Variants in XYLT1 observed in about 807,000 individuals in gnomAD.
XYLT1 encodes xylosyltransferase 1.
In XYLT1, 36 loss-of-function variants were observed where a neutral mutation model predicts 91.3. The ratio of observed to expected loss-of-function variants is 0.39; its 90% CI spans 0.30 to 0.52. The LOEUF (loss-of-function observed/expected upper bound fraction) is 0.52, where lower values mean the gene tolerates loss of function less well. Among genes scored for constraint, XYLT1 ranks in the 20% least tolerant of loss-of-function variants. The pLI, the probability that XYLT1 is intolerant of heterozygous loss-of-function variation, is 0.68. For synonymous variants in XYLT1, 588 were observed against 532.0 expected (o/e 1.11, Z -1.45); for missense variants, 1,242 against 1,284.5 (o/e 0.97, Z 0.51).
rs924260 is a variant in XYLT1, at chr16:17,108,920, G to C, written c.2655C>G (p.Pro885=). ...TCCTCCGTGCCTGTTCCACCTGGGCGGGGTTGATGGGCAGGCTGAGGACGG... is the reference window on the plus strand; with the variant it reads ...TCCTCCGTGCCTGTTCCACCTGGGCCGGGTTGATGGGCAGGCTGAGGACGG... ...LNPVLSLPIN[P]AQVEQARRNA... is the part of the protein sequence containing the mutation. The change falls in exon 12 of 12, where the codon CCC becomes CCG. Residue 885 remains proline (P), a synonymous_variant. Coordinates refer to ENST00000261381, the MANE Select transcript of XYLT1 (RefSeq NM_022166.4). 6.2e-7 allele frequency: 1 copy of C among 1,600,702 alleles called. No individual in the cohort carries two copies. The highest frequency in any genetic ancestry group is 1.1e-5 in the South Asian group (1 of 89,738).
chr16:17,338,760 T>C (rs113338798), intron 2 of XYLT1, among the ~76,000 whole-genome samples: 1,928 of 152,274 alleles, frequency 0.013, 16 homozygotes, highest in Non-Finnish European at 0.018. Flanking sequence ...AATTTTTGCA[T>C]TTTTAGTAGA....
chr16:17,465,623 C>G lies in XYLT1; in HGVS notation c.363+4811G>C, dbSNP rs150722191. 5.0e-3 allele frequency among the ~76,000 whole-genome samples: 741 copies of G among 149,644 alleles called. 16 individuals are homozygous for G. Among genetic ancestry groups the G allele is most frequent in the Admixed American group, 0.047 (693 of 14,832 alleles). On this transcript the variant is annotated intron_variant, in intron 1 of 11. Transcript: ENST00000261381. ...AAATACCTAAATGACACCTGACATA[C>G]AGCAGGCACTCAATAAATGTCAGTA...
Position 17,197,014 on chromosome 16 carries a change from A to AATATATATATATATATATATATATAT in XYLT1, c.1289+1197_1289+1198insATATATATATATATATATATATATAT, listed in dbSNP as rs536988187. ...TGACAGAGCGAGACTCTGTCTCCAA[A>AATATATATATATATATATATATATAT]ATATATATATATATATAGATATATA... On this transcript the variant is annotated intron_variant, in intron 5 of 11. Coordinates refer to ENST00000261381, the MANE Select transcript of XYLT1 (RefSeq NM_022166.4). Among the ~76,000 whole-genome samples the AATATATATATATATATATATATATAT allele has an allele frequency of 3.5e-3, 383 of 110,092 alleles. 12 individuals are homozygous for AATATATATATATATATATATATATAT. Among genetic ancestry groups the AATATATATATATATATATATATATAT allele is most frequent in the Admixed American group, 4.5e-3 (47 of 10,470 alleles). 72.2% of individuals were successfully genotyped at this position (110,092 alleles called of 152,430 possible).
At chr16:17,246,604 G>A (rs965749838) in intron 3 of XYLT1, among the ~76,000 whole-genome samples, 14 of 152,134 alleles carry the variant, frequency 9.2e-5, no homozygotes, top group African/African-American at 2.7e-4. Flanking sequence ...CAGTTTCTTC[G>A]TCTGTTCAAT....
In XYLT1 at chr16:17,225,811, A is replaced by G. The variant is rs576136303; in HGVS notation, c.914-25157T>C. On this transcript the variant is annotated intron_variant, in intron 3 of 11. Coordinates refer to ENST00000261381, the MANE Select transcript of XYLT1 (RefSeq NM_022166.4). ...CATAAATAATGTAGAATCGCAGCTA[A>G]GTTGCATTCTACGACCAAAGTTCAA... is the stretch of plus-strand genomic sequence containing the variant. 3.9e-5 allele frequency among the ~76,000 whole-genome samples: 6 copies of G among 152,270 alleles called. No individual in the cohort carries two copies. The East Asian group carries it at 1.2e-3, about 29-fold the overall frequency.
At position 17,380,086 on chromosome 16, in the gene XYLT1, G is replaced by A. The variant is rs1249799535; in HGVS notation, c.364-22036C>T. Among the ~76,000 whole-genome samples the A allele has an allele frequency of 3.9e-4, 59 of 152,042 alleles. 1 individual carries two copies. Among genetic ancestry groups the A allele is most frequent in the Admixed American group, 3.8e-3 (58 of 15,262 alleles). ...GCGGATCACTTGAGGTCGGGAGTTCGAGACCAGCCTGGCCAACATGGTGAA... is the reference window on the plus strand; with the variant it reads ...GCGGATCACTTGAGGTCGGGAGTTCAAGACCAGCCTGGCCAACATGGTGAA... On this transcript the variant is annotated intron_variant, in intron 1 of 11. Coordinates refer to ENST00000261381, the MANE Select transcript of XYLT1 (RefSeq NM_022166.4).
intron 2 of XYLT1, 121 bp from the exon 3 acceptor site, chr16:17,259,619 T>G (rs2033692505): frequency 8.2e-7 from 1 of 1,212,396 alleles, no homozygotes; most frequent in Non-Finnish European, 1.1e-6. Context: ...CACATCCTAC[T>G]TTTGCTACTG....
At chr16:17,283,473 C>G (rs374672539) in intron 2 of XYLT1, among the ~76,000 whole-genome samples, 3 of 152,292 alleles carry the variant, frequency 2.0e-5, no homozygotes, top group African/African-American at 4.8e-5. Context: ...CATGTGCACA[C>G]ATAGGCACAC....
intron 2 of XYLT1, among the ~76,000 whole-genome samples, chr16:17,337,300 A>T (rs1567380760): frequency 6.6e-6 from 1 of 151,782 alleles, no homozygotes; most frequent in Non-Finnish European, 1.5e-5. Flanking sequence ...CCAGCCTCCC[A>T]CTTCAGCCTC....
rs571210086 is a variant in XYLT1, at chr16:17,292,369, C to T, written c.403-32871G>A. On this transcript the variant is annotated intron_variant, in intron 2 of 11. Transcript: ENST00000261381. ...TTGAATCTGTGTCACAGACGAGATT[C>T]CTCACTTCACAAAAAAAACTCTCCC... 2.0e-5 allele frequency among the ~76,000 whole-genome samples: 3 copies of T among 152,268 alleles called. No homozygotes were observed. In the East Asian group the frequency reaches 5.8e-4, roughly 29 times the overall value.
intron 5 of XYLT1, among the ~76,000 whole-genome samples, chr16:17,192,693 A>T (rs2032342281): frequency 6.6e-6 from 1 of 152,166 alleles, no homozygotes; most frequent in African/African-American, 2.4e-5. Flanking sequence ...TAGAGTCTCT[A>T]AACACTCTCA....
At chr16:17,464,172 C>G (rs2036857336) in intron 1 of XYLT1, among the ~76,000 whole-genome samples, 1 of 151,874 alleles carries the variant, frequency 6.6e-6, no homozygotes, top group Non-Finnish European at 1.5e-5. Flanking sequence ...TTATCATTAA[C>G]AATAATCTAT....
intron 5 of XYLT1, among the ~76,000 whole-genome samples, chr16:17,164,068 A>C (rs2031621819): frequency 7.0e-6 from 1 of 143,694 alleles, no homozygotes; most frequent in Admixed American, 6.9e-5. Flanking sequence ...AAAAAAAAAA[A>C]AGAAAGACTA....
intron 1 of XYLT1, among the ~76,000 whole-genome samples, chr16:17,421,490 A>G (rs1422087812): frequency 2.6e-5 from 4 of 152,116 alleles, no homozygotes; most frequent in African/African-American, 9.7e-5. Flanking sequence ...TGTAGCCCTT[A>G]ACTTTATGGC....
In XYLT1 at chr16:17,259,250, C is replaced by G; in HGVS notation, c.651G>C (p.Leu217=). 1 of 1,614,114 alleles carries G rather than the reference C, an allele frequency of 6.2e-7. No homozygotes were observed. Among genetic ancestry groups the G allele is most frequent in the East Asian group, 2.2e-5 (1 of 44,860 alleles). ...TGGCTGCGGCTCTGTCCCCGGGAGG[C>G]AGCACCTCACCGGGGCCTTTCCCAG... ...TFPGKGPGEV[L]PPGDRAAANS... The change falls in exon 3 of 12, where the codon CTG becomes CTC. Residue 217 remains leucine, a synonymous_variant. Coordinates refer to ENST00000261381, the MANE Select transcript of XYLT1 (RefSeq NM_022166.4).
intron 1 of XYLT1, among the ~76,000 whole-genome samples, chr16:17,366,301 G>A (rs1433236009): frequency 6.6e-6 from 1 of 152,114 alleles, no homozygotes; most frequent in East Asian, 1.9e-4. Flanking sequence ...AATTGCCTAA[G>A]GTCACATAGC....
rs557042106 is a variant in XYLT1 at position 17,410,443 on chromosome 16, C to T, written c.364-52393G>A. Among the ~76,000 whole-genome samples, 7 of 152,236 alleles carry T rather than the reference C, an allele frequency of 4.6e-5. No homozygotes were observed. In the South Asian group the frequency reaches 1.5e-3, roughly 32 times the overall value. ...TGGCAGCAGACAAGGGAAGAGAGAGCTTGTGCGGGAAATTTCCCTTTTCAA... is the reference window on the plus strand; with the variant it reads ...TGGCAGCAGACAAGGGAAGAGAGAGTTTGTGCGGGAAATTTCCCTTTTCAA... On this transcript the variant is annotated intron_variant, in intron 1 of 11. Coordinates refer to ENST00000261381, the MANE Select transcript of XYLT1 (RefSeq NM_022166.4).
intron 10 of XYLT1, among the ~76,000 whole-genome samples, chr16:17,118,326 A>G (rs1334541301): frequency 1.4e-5 from 2 of 138,206 alleles, no homozygotes; most frequent in Non-Finnish European, 3.3e-5. Flanking sequence ...CTTGCAGGCC[A>G]TTCCACAGAA....
intron 2 of XYLT1, among the ~76,000 whole-genome samples, chr16:17,271,473 C>T (rs1376966919): frequency 6.6e-6 from 1 of 152,102 alleles, no homozygotes; most frequent in African/African-American, 2.4e-5. Context: ...GAGACACACA[C>T]ACAGATAGGC....
Sources: gnomAD v4.1 joint callset for allele counts (sites outside exome capture counted in the v4.1 genomes callset) on GRCh38, gnomAD v4.1.1 for gene constraint, MANE v1.5 for transcripts, NCBI Gene and HGNC (gene_info 2026-07-23, HGNC 2026-07-21) for gene names.